Variants in STIM2 observed in about 807,000 individuals in gnomAD.
STIM2 encodes stromal interaction molecule 2.
In STIM2, 31 loss-of-function variants were observed where a neutral mutation model predicts 85.8. The ratio of observed to expected loss-of-function variants is 0.36; its 90% CI spans 0.27 to 0.49. The LOEUF is 0.49. Among genes scored for constraint, STIM2 ranks in the 20% least tolerant of loss-of-function variants. The pLI, the probability that STIM2 is intolerant of heterozygous loss-of-function variation, is 0.98. For missense variants in STIM2, 841 were observed against 927.6 expected, an observed-to-expected ratio of 0.91 and a Z score of 1.21; for synonymous variants, 356 against 331.1, an observed-to-expected ratio of 1.08 and a Z score of -0.82.
intron 1 of STIM2, among the ~76,000 whole-genome samples, chr4:26,909,532 A>G (rs1203406232): frequency 1.3e-5 from 2 of 152,238 alleles, no homozygotes; most frequent in Admixed American, 6.5e-5. Context: ...CTGAGAGAGA[A>G]GTAAAACAAC....
chr4:26,962,741 C>T (rs1298477919), intron 3 of STIM2, among the ~76,000 whole-genome samples: 1 of 152,068 alleles, frequency 6.6e-6, no homozygotes, highest in African/African-American at 2.4e-5. Flanking sequence ...GTGAGAATTA[C>T]TGAATGTATT....
intron 3 of STIM2, among the ~76,000 whole-genome samples, chr4:26,973,959 T>TTG (rs1727079543): frequency 2.0e-5 from 3 of 152,248 alleles, no homozygotes; most frequent in Non-Finnish European, 2.9e-5. Flanking sequence ...TAGTTAGCAC[T>TTG]TCTTGTTGAA....
chr4:27,002,786 C>T, intron 6 of STIM2, 141 bp from the exon 7 acceptor site: 1 of 820,222 alleles, frequency 1.2e-6, no homozygotes, highest in Non-Finnish European at 1.7e-6. Flanking sequence ...TTTGTATTAA[C>T]CAAACTTAAG....
At chr4:26,953,535 A>G (rs1177786787) in intron 2 of STIM2, among the ~76,000 whole-genome samples, 2 of 152,104 alleles carry the variant, frequency 1.3e-5, no homozygotes, top group Non-Finnish European at 2.9e-5. Flanking sequence ...CTGCATGCCT[A>G]TGATGATAAA....
intron 1 of STIM2, among the ~76,000 whole-genome samples, chr4:26,887,183 CTTTTTTTT>C (rs34736602): frequency 0.052 from 3,676 of 71,340 alleles, 82 homozygotes; most frequent in African/African-American, 0.095. Flanking sequence ...AATAATTAAA[CTTTTTTTT>C]TTTTTTTTTT....
Position 27,022,499 on chromosome 4 carries a change from T to A in STIM2, c.1764-20T>A, listed in dbSNP as rs767126482. ...AACATACTGATTTAAAATTTGTACC[T>A]TTGTTTGTGTTTCATTCAGGGAAGT... On this transcript the variant is annotated intron_variant, in intron 11 of 11. Transcript: ENST00000467087. 1.9e-6 allele frequency: 3 copies of A among 1,552,626 alleles called. No individual in the cohort carries two copies. The highest frequency in any genetic ancestry group is 2.6e-6 in the Non-Finnish European group (3 of 1,143,022).
chr4:27,014,374 G>A (rs1035533992), intron 10 of STIM2, among the ~76,000 whole-genome samples: 12 of 151,598 alleles, frequency 7.9e-5, no homozygotes, highest in Admixed American at 5.3e-4. Flanking sequence ...ATTTGATTAT[G>A]ATCATCAAAT....
intron 2 of STIM2, among the ~76,000 whole-genome samples, chr4:26,934,269 T>C (rs557158823): frequency 1.3e-5 from 2 of 152,198 alleles, no homozygotes; most frequent in African/African-American, 2.4e-5. Context: ...TAAATTCTAA[T>C]ATTTTCTCAA....
chr4:26,958,211 C>T (rs1246100234), intron 3 of STIM2, among the ~76,000 whole-genome samples: 1 of 151,978 alleles, frequency 6.6e-6, no homozygotes, highest in Non-Finnish European at 1.5e-5. Context: ...CTGTTAAGTT[C>T]TCAAGGTGTA....
At chr4:26,952,176 C>G (rs1726079326) in intron 2 of STIM2, among the ~76,000 whole-genome samples, 1 of 152,028 alleles carries the variant, frequency 6.6e-6, no homozygotes, top group Non-Finnish European at 1.5e-5. Context: ...TGGGTGGGGA[C>G]ACATCCAAAC....
intron 1 of STIM2, among the ~76,000 whole-genome samples, chr4:26,882,978 C>G (rs1243766642): frequency 6.6e-6 from 1 of 151,454 alleles, no homozygotes; most frequent in Non-Finnish European, 1.5e-5. Context: ...GCTGGGACTA[C>G]AGGCATGCGC....
At chr4:27,007,899 C>T in intron 8 of STIM2, 199 bp downstream of exon 8, 2 of 727,296 alleles carry the variant, frequency 2.7e-6, no homozygotes, top group East Asian at 2.7e-5. Flanking sequence ...GAAGTGTATA[C>T]TTTTCAAAGT....
chr4:27,017,742 C>CGCT lies in STIM2; in HGVS notation c.1521_1522insGCT (p.Ala507dup). On this transcript the variant is annotated inframe_insertion, in exon 11 of 12. Transcript: ENST00000467087. The stretch of plus-strand genomic sequence containing the variant: ...TGGCTAAACCTCCTGGATCATTAGC[C>CGCT]AGAAGCAGCAGCCTGTGCCGTTCAC... 2.5e-6 allele frequency: 4 copies of CGCT among 1,614,036 alleles called. No individual in the cohort carries two copies. The highest frequency in any genetic ancestry group is 3.4e-6 in the Non-Finnish European group (4 of 1,180,010).
At chr4:26,932,447 C>T (rs1477667510) in intron 2 of STIM2, among the ~76,000 whole-genome samples, 1 of 152,036 alleles carries the variant, frequency 6.6e-6, no homozygotes, top group African/African-American at 2.4e-5. Flanking sequence ...TAACATAACT[C>T]GTTAGTACTG....
intron 10 of STIM2, among the ~76,000 whole-genome samples, chr4:27,016,813 G>C (rs1728747168): frequency 6.6e-6 from 1 of 152,226 alleles, no homozygotes; most frequent in Non-Finnish European, 1.5e-5. Context: ...GCCAGTAAGA[G>C]AGAGAATGTC....
chr4:26,902,142 A>G (rs1321487060), intron 1 of STIM2, among the ~76,000 whole-genome samples: 1 of 152,116 alleles, frequency 6.6e-6, no homozygotes, highest in Non-Finnish European at 1.5e-5. Context: ...GTAGCTGTAA[A>G]GGGGAATACA....
chr4:26,938,198 A>G (rs1261770336), intron 2 of STIM2, among the ~76,000 whole-genome samples: 1 of 151,820 alleles, frequency 6.6e-6, no homozygotes, highest in Non-Finnish European at 1.5e-5. Context: ...TTTTAAAACA[A>G]AAAAATGTCC....
chr4:26,894,599 A>G (rs1370199509), intron 1 of STIM2, among the ~76,000 whole-genome samples: 2 of 151,192 alleles, frequency 1.3e-5, no homozygotes, highest in Non-Finnish European at 2.9e-5. Context: ...GTTGTGTCGT[A>G]TAGCAAGTGT....
chr4:26,905,641 A>C (rs1262749370), intron 1 of STIM2, among the ~76,000 whole-genome samples: 1 of 152,212 alleles, frequency 6.6e-6, no homozygotes, highest in Non-Finnish European at 1.5e-5. Context: ...CCTTATAAAA[A>C]AGAGAAAATT....
Sources: allele counts gnomAD v4.1 joint callset (sites outside exome capture counted in the v4.1 genomes callset), GRCh38; gene constraint gnomAD v4.1.1; transcripts MANE v1.5; gene names NCBI Gene and HGNC (gene_info 2026-07-23, HGNC 2026-07-21).